NRG3: variants seen among roughly 807,000 people sequenced by gnomAD.
NRG3 encodes neuregulin 3.
In NRG3, 31 loss-of-function variants were observed where a neutral mutation model predicts 66.9. That is an observed-to-expected ratio of 0.46 (90% CI 0.35 to 0.63). The LOEUF is 0.63. NRG3 is among the 20% of genes least tolerant of loss of function. NRG3 has a pLI of 0.00. For missense variants in NRG3, 910 were observed against 878.9 expected (o/e 1.04, Z -0.45); for synonymous variants, 393 against 359.4 (o/e 1.09, Z -1.06).
At chr10:82,353,287 GTAATATTCAGGTTCAACTCAGTAGT>G (rs1055839059) in intron 1 of NRG3, among the ~76,000 whole-genome samples, 4 of 152,174 alleles carry the variant, frequency 2.6e-5, no homozygotes, top group African/African-American at 9.7e-5. Context: ...ACCTCCGTAA[GTAATATTCAGGTTCAACTCAGTAGT>G]TAATATTCAG....
Position 82,741,144 on chromosome 10 carries a change from C to G in NRG3, c.1027+2494C>G, listed in dbSNP as rs1367282880. 1.3e-5 allele frequency among the ~76,000 whole-genome samples: 2 copies of G among 152,206 alleles called. 1 individual carries two copies. ...CAGCTTAAATGGAAAAGCATTATGT[C>G]TTGCATTCATCCATGCACACGTGCA... On this transcript the variant is annotated intron_variant, in intron 3 of 8. Transcript: ENST00000372141.
At chr10:82,098,054 T>TATACACACACAC (rs757078526) in intron 1 of NRG3, among the ~76,000 whole-genome samples, 5 of 146,712 alleles carry the variant, frequency 3.4e-5, no homozygotes. Context: ...GCCACATATA[T>TATACACACACAC]ACACACACAC....
At chr10:82,312,897 C>G (rs1210434843) in intron 1 of NRG3, among the ~76,000 whole-genome samples, 1 of 152,054 alleles carries the variant, frequency 6.6e-6, no homozygotes, top group Non-Finnish European at 1.5e-5. Flanking sequence ...TAATTGTTGG[C>G]TGTCAACGGT....
At chr10:82,563,126 T>A (rs1251971556) in intron 2 of NRG3, among the ~76,000 whole-genome samples, 2 of 152,204 alleles carry the variant, frequency 1.3e-5, no homozygotes, top group Non-Finnish European at 2.9e-5. Flanking sequence ...ATAGTCATTT[T>A]TTAAATGGAC....
At chr10:82,350,122 T>C (rs2083338488) in intron 1 of NRG3, among the ~76,000 whole-genome samples, 1 of 152,046 alleles carries the variant, frequency 6.6e-6, no homozygotes, top group Non-Finnish European at 1.5e-5. Flanking sequence ...CCCACGAACA[T>C]GAAAAAATAA....
At chr10:82,234,311 A>G (rs1384899695) in intron 1 of NRG3, among the ~76,000 whole-genome samples, 1 of 152,232 alleles carries the variant, frequency 6.6e-6, no homozygotes, top group Non-Finnish European at 1.5e-5. Flanking sequence ...AGATCTCCAT[A>G]GAAACACTGT....
At chr10:82,468,950 C>A (rs1253853562) in intron 2 of NRG3, among the ~76,000 whole-genome samples, 2 of 152,130 alleles carry the variant, frequency 1.3e-5, no homozygotes, top group African/African-American at 4.8e-5. Context: ...TTCCTGATTT[C>A]TTGCTATCAT....
chr10:82,231,039 G>A (rs1207346840), intron 1 of NRG3, among the ~76,000 whole-genome samples: 2 of 152,108 alleles, frequency 1.3e-5, no homozygotes, highest in Non-Finnish European at 2.9e-5. Context: ...ATAAAGAAAT[G>A]TAGGATTATA....
At chr10:82,163,945 G>T (rs2071820502) in intron 1 of NRG3, among the ~76,000 whole-genome samples, 1 of 149,322 alleles carries the variant, frequency 6.7e-6, no homozygotes, top group Non-Finnish European at 1.5e-5. Context: ...TTTTGAGATG[G>T]AGTCTCGCTC....
At chr10:82,296,080 C>T (rs1307545814) in intron 1 of NRG3, among the ~76,000 whole-genome samples, 1 of 152,096 alleles carries the variant, frequency 6.6e-6, no homozygotes, top group Non-Finnish European at 1.5e-5. Flanking sequence ...TCACCAGTAT[C>T]TAAAGGATGA....
At chr10:82,566,770 T>C (rs1013046658) in intron 2 of NRG3, among the ~76,000 whole-genome samples, 4 of 151,940 alleles carry the variant, frequency 2.6e-5, no homozygotes, top group African/African-American at 9.7e-5. Context: ...ACTTACCAAG[T>C]AGTAGATATT....
At chr10:82,664,425 G>T (rs181326853) in intron 2 of NRG3, among the ~76,000 whole-genome samples, 9 of 152,118 alleles carry the variant, frequency 5.9e-5, no homozygotes, top group Admixed American at 5.9e-4. Context: ...GTAACAATTT[G>T]CTAATGAAGA....
intron 2 of NRG3, among the ~76,000 whole-genome samples, chr10:82,600,970 G>T (rs185108615): frequency 1.3e-5 from 2 of 151,998 alleles, no homozygotes; most frequent in Non-Finnish European, 2.9e-5. Context: ...GGAGTCTCCA[G>T]TGTCTGTTGT....
At chr10:82,185,933 C>T (rs546297491) in intron 1 of NRG3, among the ~76,000 whole-genome samples, 3 of 152,294 alleles carry the variant, frequency 2.0e-5, no homozygotes, top group South Asian at 2.1e-4. Context: ...TGGCATCATG[C>T]ATCTTTTTAA....
chr10:81,963,358 C>A (rs1210511856), intron 1 of NRG3, among the ~76,000 whole-genome samples: 1 of 150,574 alleles, frequency 6.6e-6, no homozygotes, highest in Non-Finnish European at 1.5e-5. Context: ...TGGTCTCGAT[C>A]TCCTGACCTC....
chr10:82,215,691 G>C (rs2075629449), intron 1 of NRG3, among the ~76,000 whole-genome samples: 1 of 152,260 alleles, frequency 6.6e-6, no homozygotes, highest in East Asian at 1.9e-4. Flanking sequence ...GCAGACTTCT[G>C]TTGACAACAC....
chr10:82,816,596 A>T (rs913305861), intron 3 of NRG3, among the ~76,000 whole-genome samples: 1 of 151,924 alleles, frequency 6.6e-6, no homozygotes, highest in African/African-American at 2.4e-5. Context: ...CGTGGACTCC[A>T]CCTGGAATTC....
chr10:82,564,583 G>A (rs12415551), intron 2 of NRG3, among the ~76,000 whole-genome samples: 3 of 152,034 alleles, frequency 2.0e-5, no homozygotes, highest in East Asian at 1.9e-4. Flanking sequence ...ATTTCTCAGC[G>A]TAACACTTCT....
chr10:82,976,193 C>T (rs1284643728), intron 7 of NRG3, among the ~76,000 whole-genome samples: 1 of 152,010 alleles, frequency 6.6e-6, no homozygotes, highest in Admixed American at 6.6e-5. Flanking sequence ...GTAGCTGGGA[C>T]TACAGGCACA....
Sources: gnomAD v4.1 joint callset for allele counts (sites outside exome capture counted in the v4.1 genomes callset) on GRCh38, gnomAD v4.1.1 for gene constraint, MANE v1.5 for transcripts, NCBI Gene and HGNC (gene_info 2026-07-23, HGNC 2026-07-21) for gene names.